The following RNF150 variants were observed in gnomAD, a reference collection of about 807,000 sequenced individuals.
RNF150 encodes the protein ring finger protein 150.
A neutral mutation model predicts 39.3 loss-of-function variants in RNF150; 24 were observed. The ratio of observed to expected loss-of-function variants is 0.61; its 90% CI spans 0.44 to 0.86. RNF150 has a LOEUF of 0.86. Ranked by LOEUF, RNF150 falls within the 40% of genes least tolerant of loss-of-function variation. The probability of loss-of-function intolerance (pLI) is 0.00; values close to 1 mark genes in which losing one functional copy is unlikely to be tolerated. For missense variants in RNF150, 502 were observed against 587.8 expected (o/e 0.85, Z 1.51); for synonymous variants, 255 against 227.3 (o/e 1.12, Z -1.10).
chr4:140,874,041 C>G (rs1368945402), intron 6 of RNF150, among the ~76,000 whole-genome samples: 2 of 145,850 alleles, frequency 1.4e-5, no homozygotes, highest in Admixed American at 1.4e-4. Flanking sequence ...CACTTTAATT[C>G]TGAGTAAAAT....
chr4:140,999,698 G>A (rs934716262), intron 1 of RNF150, among the ~76,000 whole-genome samples: 108 of 152,094 alleles, frequency 7.1e-4, no homozygotes, highest in African/African-American at 2.5e-3. Flanking sequence ...ACTTTGGGAG[G>A]CCAAGGCAGG....
At chr4:140,991,595 C>T (rs1362090595) in intron 1 of RNF150, among the ~76,000 whole-genome samples, 1 of 152,164 alleles carries the variant, frequency 6.6e-6, no homozygotes, top group Non-Finnish European at 1.5e-5. Flanking sequence ...AACCATAAAA[C>T]TTCATTTCCT....
At chr4:140,994,857 C>T (rs1734312997) in intron 1 of RNF150, among the ~76,000 whole-genome samples, 1 of 151,932 alleles carries the variant, frequency 6.6e-6, no homozygotes, top group Non-Finnish European at 1.5e-5. Flanking sequence ...TATGGGTACA[C>T]AGTATAATAG....
At chr4:140,941,093 G>T (rs577653064) in intron 4 of RNF150, among the ~76,000 whole-genome samples, 1 of 152,238 alleles carries the variant, frequency 6.6e-6, no homozygotes, top group East Asian at 1.9e-4. Flanking sequence ...TAAGAATAGA[G>T]ACATAAAACA....
intron 6 of RNF150, among the ~76,000 whole-genome samples, chr4:140,884,641 G>T (rs1306151410): frequency 1.3e-5 from 2 of 152,102 alleles, no homozygotes; most frequent in African/African-American, 4.8e-5. Flanking sequence ...TCCCCCTTGT[G>T]TTTATGTTTG....
intron 1 of RNF150, among the ~76,000 whole-genome samples, chr4:141,147,149 C>G (rs1375981048): frequency 6.6e-6 from 1 of 152,176 alleles, no homozygotes; most frequent in African/African-American, 2.4e-5. Context: ...GAGACAGGAT[C>G]TCACTATGTT....
chr4:141,157,348 A>C (rs3910325), intron 1 of RNF150, among the ~76,000 whole-genome samples: 84,386 of 151,992 alleles, frequency 0.56, 24,060 homozygotes, highest in East Asian at 0.82. Flanking sequence ...TGGGTTTGAT[A>C]ATATATAACC....
chr4:141,068,258 C>T (rs1174541694), intron 1 of RNF150, among the ~76,000 whole-genome samples: 1 of 152,150 alleles, frequency 6.6e-6, no homozygotes, highest in Non-Finnish European at 1.5e-5. Flanking sequence ...ATACATTCTT[C>T]TCAGTGAACT....
At chr4:140,920,985 A>G (rs1456732536) in intron 5 of RNF150, among the ~76,000 whole-genome samples, 2 of 151,564 alleles carry the variant, frequency 1.3e-5, no homozygotes, top group Non-Finnish European at 2.9e-5. Context: ...GGAATTGAAC[A>G]CTGAGAATAC....
chr4:140,947,361 T>A (rs1001487), intron 4 of RNF150, among the ~76,000 whole-genome samples: 2 of 151,958 alleles, frequency 1.3e-5, no homozygotes, highest in Non-Finnish European at 2.9e-5. Context: ...CAAGAAAACT[T>A]GTACTTGGCG....
At chr4:141,153,089 T>C (rs1490211499) in intron 1 of RNF150, among the ~76,000 whole-genome samples, 1 of 152,194 alleles carries the variant, frequency 6.6e-6, no homozygotes, top group East Asian at 1.9e-4. Context: ...TCTTCTCCTG[T>C]CTCAGACTGA....
intron 4 of RNF150, among the ~76,000 whole-genome samples, chr4:140,930,433 G>A (rs1277880607): frequency 1.3e-5 from 2 of 152,204 alleles, no homozygotes; most frequent in Admixed American, 6.5e-5. Flanking sequence ...CAAGCTGTAG[G>A]AGAATAAAAT....
intron 4 of RNF150, among the ~76,000 whole-genome samples, chr4:140,926,317 T>C (rs1731397686): frequency 6.6e-6 from 1 of 152,144 alleles, no homozygotes; most frequent in African/African-American, 2.4e-5. Context: ...TTTCAGAAAA[T>C]GTAGAAAATG....
chr4:140,905,247 AAGGCTAACCCATTTAAG>A (rs1220980436), intron 6 of RNF150, among the ~76,000 whole-genome samples: 1 of 152,084 alleles, frequency 6.6e-6, no homozygotes, highest in East Asian at 1.9e-4. Context: ...TTTTTCCAAA[AAGGCTAACCCATTTAAG>A]AGCCTGTAGT....
chr4:141,063,565 T>A (rs777075909), intron 1 of RNF150, among the ~76,000 whole-genome samples: 7 of 152,142 alleles, frequency 4.6e-5, no homozygotes, highest in Non-Finnish European at 1.0e-4. Context: ...AAGCAAATTG[T>A]TTTTCTGAAA....
At chr4:140,927,880 C>T (rs577560365) in intron 4 of RNF150, among the ~76,000 whole-genome samples, 1 of 151,962 alleles carries the variant, frequency 6.6e-6, no homozygotes, top group East Asian at 1.9e-4. Context: ...AACTCCTGAC[C>T]TCAAGTGATC....
At chr4:141,097,002 T>C (rs1738812638) in intron 1 of RNF150, among the ~76,000 whole-genome samples, 1 of 152,212 alleles carries the variant, frequency 6.6e-6, no homozygotes, top group African/African-American at 2.4e-5. Context: ...GGTCTGAAAA[T>C]CTTTCAGGTT....
intron 1 of RNF150, among the ~76,000 whole-genome samples, chr4:140,984,621 T>C (rs1348555624): frequency 6.6e-6 from 1 of 152,126 alleles, no homozygotes; most frequent in African/African-American, 2.4e-5. Flanking sequence ...CACTCCCCTA[T>C]CCCATACATT....
chr4:141,141,963 T>C (rs993915949), intron 1 of RNF150, among the ~76,000 whole-genome samples: 3 of 152,208 alleles, frequency 2.0e-5, no homozygotes, highest in Admixed American at 2.0e-4. Flanking sequence ...TATTTTTATA[T>C]TAGCCAAGAT....
Sources: allele counts gnomAD v4.1 joint callset (sites outside exome capture counted in the v4.1 genomes callset), GRCh38; gene constraint gnomAD v4.1.1; transcripts MANE v1.5; gene names NCBI Gene and HGNC (gene_info 2026-07-23, HGNC 2026-07-21).